The following PEBP4 variants were observed in gnomAD, a reference collection of about 807,000 sequenced individuals.
The protein encoded by PEBP4 is phosphatidylethanolamine-binding protein 4.
Under a neutral mutation model 23.9 loss-of-function variants are expected in PEBP4, and 22 were observed. That is an observed-to-expected ratio of 0.92 (90% CI 0.66 to 1.31). The LOEUF (loss-of-function observed/expected upper bound fraction) is 1.31. Ranked by LOEUF, PEBP4 falls within the 40% of genes most tolerant of loss-of-function variation. The probability of loss-of-function intolerance (pLI) is 0.00; values close to 1 mark genes in which losing one functional copy is unlikely to be tolerated. For synonymous variants in PEBP4, 112 were observed against 99.3 expected (o/e 1.13, Z -0.76); for missense variants, 324 against 281.7 (o/e 1.15, Z -1.07).
intron 4 of PEBP4, among the ~76,000 whole-genome samples, chr8:22,747,949 G>A (rs1284604204): frequency 2.0e-5 from 3 of 152,226 alleles, no homozygotes; most frequent in East Asian, 1.9e-4. Flanking sequence ...GGGTCCTGGC[G>A]CTGGAGGAGA....
chr8:22,870,865 G>A (rs1807993139), intron 3 of PEBP4, among the ~76,000 whole-genome samples: 1 of 152,158 alleles, frequency 6.6e-6, no homozygotes, highest in Admixed American at 6.5e-5. Flanking sequence ...GAAGCCCTTG[G>A]GACCTCTGCC....
intron 3 of PEBP4, among the ~76,000 whole-genome samples, chr8:22,819,153 AAG>A (rs140362513): frequency 0.019 from 2,868 of 152,264 alleles, 172 homozygotes; most frequent in East Asian, 0.14. Context: ...CAGAGAAGAA[AAG>A]AGGTCTCATG....
chr8:22,724,017 G>A (rs540606627), intron 6 of PEBP4, among the ~76,000 whole-genome samples: 1 of 152,240 alleles, frequency 6.6e-6, no homozygotes, highest in South Asian at 2.1e-4. Flanking sequence ...CAGCCTGGGG[G>A]ATGTGCTTCT....
intron 4 of PEBP4, among the ~76,000 whole-genome samples, chr8:22,805,619 C>T (rs558309718): frequency 6.6e-6 from 1 of 152,344 alleles, no homozygotes; most frequent in African/African-American, 2.4e-5. Context: ...AGCCACCATG[C>T]CCGGCCATGA....
At chr8:22,799,147 C>G (rs1412726048) in intron 4 of PEBP4, among the ~76,000 whole-genome samples, 3 of 152,212 alleles carry the variant, frequency 2.0e-5, no homozygotes, top group Non-Finnish European at 4.4e-5. Context: ...CAGGGAGACA[C>G]AGTGAAGGGC....
chr8:22,751,326 C>A (rs78087152), intron 4 of PEBP4, among the ~76,000 whole-genome samples: 16,949 of 152,162 alleles, frequency 0.11, 1,183 homozygotes, highest in South Asian at 0.2. Flanking sequence ...CCCAAGACAA[C>A]CTGCCACTCT....
chr8:22,919,155 C>G (rs1234028485), intron 3 of PEBP4, among the ~76,000 whole-genome samples: 1 of 152,192 alleles, frequency 6.6e-6, no homozygotes, highest in Non-Finnish European at 1.5e-5. Flanking sequence ...CCCTCTGGAG[C>G]TTGTTGTCCT....
chr8:22,811,218 T>C (rs1323412471), intron 4 of PEBP4, among the ~76,000 whole-genome samples: 1 of 152,206 alleles, frequency 6.6e-6, no homozygotes, highest in African/African-American at 2.4e-5. Context: ...AAAAAAGCTA[T>C]TTCAAATGAA....
chr8:22,906,381 C>T (rs1043496586), intron 3 of PEBP4, among the ~76,000 whole-genome samples: 1 of 152,200 alleles, frequency 6.6e-6, no homozygotes, highest in Admixed American at 6.5e-5. Context: ...GCATTCACCC[C>T]ACAGGTTTAC....
chr8:22,822,403 G>A (rs1181168400), intron 3 of PEBP4, among the ~76,000 whole-genome samples: 1 of 151,712 alleles, frequency 6.6e-6, no homozygotes, highest in African/African-American at 2.4e-5. Context: ...ATCCCATAAA[G>A]AGAAAACTGT....
intron 3 of PEBP4, among the ~76,000 whole-genome samples, chr8:22,898,757 T>C (rs1808649563): frequency 6.6e-6 from 1 of 152,164 alleles, no homozygotes; most frequent in Non-Finnish European, 1.5e-5. Flanking sequence ...ATACTCCTTG[T>C]AACAGAAAAT....
At chr8:22,909,567 C>T (rs1488590572) in intron 3 of PEBP4, among the ~76,000 whole-genome samples, 1 of 152,152 alleles carries the variant, frequency 6.6e-6, no homozygotes, top group East Asian at 1.9e-4. Context: ...CCTGTATTGG[C>T]TTAGGTGGCT....
At chr8:22,822,906 T>C (rs1432676422) in intron 3 of PEBP4, among the ~76,000 whole-genome samples, 3 of 152,000 alleles carry the variant, frequency 2.0e-5, no homozygotes, top group Admixed American at 2.0e-4. Flanking sequence ...ACAATCCCAA[T>C]CAAAATCCTA....
At chr8:22,814,632 C>A (rs1159189481) in intron 4 of PEBP4, among the ~76,000 whole-genome samples, 1 of 152,208 alleles carries the variant, frequency 6.6e-6, no homozygotes, top group African/African-American at 2.4e-5. Context: ...TCAGGGTCAG[C>A]TGAAGTTCCA....
At chr8:22,725,017 C>A in intron 5 of PEBP4, 61 bp from the exon 6 acceptor site, 1 of 1,417,012 alleles carries the variant, frequency 7.1e-7, no homozygotes, top group South Asian at 1.2e-5. Context: ...GGGCAGAGCT[C>A]TCTGCCTTCC....
rs915046229 is a variant in PEBP4 at position 22,865,559 on chromosome 8, C to T, written c.259-47824G>A. ...AAGGCGCTGCTGCCGGTGCCGGTGC[C>T]GCAGCCGCCGGGGAAGGAATTCCCT... On this transcript the variant is annotated intron_variant, in intron 3 of 6. Coordinates refer to ENST00000256404, the MANE Select transcript of PEBP4 (RefSeq NM_144962.3). This position sits in a 1 kb window ranked among gnomAD's most constrained non-coding sequence, Gnocchi z 6.9. Among the ~76,000 whole-genome samples the T allele has an allele frequency of 6.6e-6, 1 of 152,174 alleles. No homozygotes were observed. The highest frequency in any genetic ancestry group is 2.4e-5 in the African/African-American group (1 of 41,456).
At chr8:22,832,675 A>G (rs1216510816) in intron 3 of PEBP4, among the ~76,000 whole-genome samples, 2 of 152,122 alleles carry the variant, frequency 1.3e-5, no homozygotes, top group Non-Finnish European at 2.9e-5. Flanking sequence ...ATGGAATGTG[A>G]TCAGATTTCA....
chr8:22,781,196 C>T (rs978867045), intron 4 of PEBP4, among the ~76,000 whole-genome samples: 10 of 152,212 alleles, frequency 6.6e-5, no homozygotes, highest in Non-Finnish European at 1.3e-4. Context: ...TTGTTGGTAC[C>T]CTGTCCTGCC....
At chr8:22,906,121 C>T (rs762696161) in intron 3 of PEBP4, among the ~76,000 whole-genome samples, 2 of 152,136 alleles carry the variant, frequency 1.3e-5, no homozygotes, top group African/African-American at 2.4e-5. Flanking sequence ...AGATGCAGGT[C>T]TTCACTTCAG....
Sources: gnomAD v4.1 joint callset for allele counts (sites outside exome capture counted in the v4.1 genomes callset) on GRCh38, gnomAD v4.1.1 for gene constraint, Gnocchi (gnomAD v3.1) non-coding constraint, MANE v1.5 for transcripts, NCBI Gene and HGNC (gene_info 2026-07-23, HGNC 2026-07-21) for gene names.